Variants in SEC14L5 observed in about 807,000 individuals in gnomAD.
The protein encoded by SEC14L5 is SEC14-like protein 5.
SEC14L5 carries 96 observed loss-of-function variants against 84.6 expected under a neutral mutation model. The ratio of observed to expected loss-of-function variants is 1.13; its 90% confidence interval spans 0.96 to 1.34. The LOEUF is 1.34. Among genes scored for constraint, SEC14L5 ranks in the 40% most tolerant of loss-of-function variants. The pLI, the probability that SEC14L5 is intolerant of heterozygous loss-of-function variation, is 0.00. For synonymous variants in SEC14L5, 546 were observed against 383.4 expected (o/e 1.42, Z -4.95); for missense variants, 1,224 against 942.5 (o/e 1.30, Z -3.91).
rs528385939 is a variant in SEC14L5 at position 4,998,694 on chromosome 16, C to T, written c.970+1650C>T. On this transcript the variant is annotated intron_variant, in intron 8 of 15. Transcript: ENST00000251170. The stretch of plus-strand genomic sequence containing the variant: ...CGGAGCTTGCAGTGAGCCGAGATCC[C>T]GCCACTGCACTCCAGCCTGGGCGAC... Among the ~76,000 whole-genome samples, 774 of 146,622 alleles carry T rather than the reference C, an allele frequency of 5.3e-3. 12 individuals carry two copies. The highest frequency in any genetic ancestry group is 0.018 in the African/African-American group (710 of 39,238).
chr16:5,018,015 T>G lies in SEC14L5; in HGVS notation c.*3045T>G, dbSNP rs546275195. ...TGTTTGGGCACCTGGGCCTTGAATTTAGGCCAGGACTCAAACCCCAGCCTT... is the reference window on the plus strand; with the variant it reads ...TGTTTGGGCACCTGGGCCTTGAATTGAGGCCAGGACTCAAACCCCAGCCTT... On this transcript the variant is annotated 3_prime_UTR_variant, in exon 16 of 16. Transcript: ENST00000251170. 1 of 152,284 alleles carries G rather than the reference T, an allele frequency of 6.6e-6. No individual in the cohort carries two copies. Among genetic ancestry groups the G allele is most frequent in the African/African-American group, 2.4e-5 (1 of 41,466 alleles). The allele number at this position is 152,284 out of a possible 1,614,324, so 9.4% of individuals were successfully genotyped here.
At chr16:4,964,508 C>T (rs565774835) in intron 2 of SEC14L5, among the ~76,000 whole-genome samples, 1 of 152,114 alleles carries the variant, frequency 6.6e-6, no homozygotes, top group East Asian at 1.9e-4. Flanking sequence ...ATCGCTTGAA[C>T]CTGGGAGACA....
At chr16:5,002,132 C>T (rs1050224315) in intron 10 of SEC14L5, among the ~76,000 whole-genome samples, 2 of 152,144 alleles carry the variant, frequency 1.3e-5, no homozygotes, top group African/African-American at 2.4e-5. Flanking sequence ...AATGCAAACA[C>T]GGATCTTGCA....
intron 2 of SEC14L5, among the ~76,000 whole-genome samples, chr16:4,961,708 C>A (rs1279997171): frequency 6.6e-6 from 1 of 152,060 alleles, no homozygotes; most frequent in Non-Finnish European, 1.5e-5. Flanking sequence ...TTTTCAGAAC[C>A]CTAAACGTGA....
chr16:5,000,556 C>T, intron 8 of SEC14L5, 99 bp from the exon 9 acceptor site: 2 of 894,822 alleles, frequency 2.2e-6, no homozygotes, highest in Non-Finnish European at 1.8e-6. Flanking sequence ...TGGGTTGCAG[C>T]CTGAGGAGGT....
chr16:4,983,448 A>T (rs911973859), intron 2 of SEC14L5, among the ~76,000 whole-genome samples: 1 of 147,626 alleles, frequency 6.8e-6, no homozygotes, highest in Non-Finnish European at 1.5e-5. Context: ...TATTCTATCT[A>T]TGTTTATAAA....
intron 13 of SEC14L5, 76 bp downstream of exon 13, chr16:5,007,562 G>T: frequency 8.4e-7 from 1 of 1,192,576 alleles, no homozygotes. Flanking sequence ...CCAAAACACA[G>T]CTTGAGATGA....
chr16:4,987,201 C>CTTTT (rs34934353), intron 2 of SEC14L5, among the ~76,000 whole-genome samples: 6,380 of 143,604 alleles, frequency 0.044, 227 homozygotes, highest in Admixed American at 0.11. Context: ...TTTATTGAAT[C>CTTTT]TTTTTTTTTT....
At chr16:5,013,593 C>G (rs988559439) in intron 15 of SEC14L5, among the ~76,000 whole-genome samples, 3 of 122,114 alleles carry the variant, frequency 2.5e-5, no homozygotes, top group African/African-American at 9.2e-5. Flanking sequence ...GGGTTTCACT[C>G]TGTCACCCAG....
intron 2 of SEC14L5, among the ~76,000 whole-genome samples, chr16:4,965,542 T>C (rs1238295680): frequency 6.6e-6 from 1 of 150,872 alleles, no homozygotes; most frequent in Non-Finnish European, 1.5e-5. Flanking sequence ...GCGCCTGTAG[T>C]CCCAGCTACT....
At chr16:4,987,519 C>A (rs1469934589) in intron 2 of SEC14L5, 38 bp from the exon 3 acceptor site, 5 of 1,485,208 alleles carry the variant, frequency 3.4e-6, no homozygotes, top group Non-Finnish European at 4.5e-6. Flanking sequence ...TCCCTCTGCC[C>A]CCCCCACCAC....
At chr16:4,968,944 C>A (rs1193291900) in intron 2 of SEC14L5, among the ~76,000 whole-genome samples, 1 of 152,244 alleles carries the variant, frequency 6.6e-6, no homozygotes, top group Non-Finnish European at 1.5e-5. Context: ...TAATAAGAAG[C>A]AGCCTGTGAA....
chr16:5,000,648 C>A lies in SEC14L5; in HGVS notation c.971-7C>A, dbSNP rs1165640854. The A allele has an allele frequency of 6.5e-7, 1 of 1,550,364 alleles. No individual in the cohort carries two copies. The highest frequency in any genetic ancestry group is 2.4e-5 in the East Asian group (1 of 40,892). Reference sequence around the variant, plus strand: ...GCTCTTCTTTCTGCTTGGCCCCATCCACAAAGATGGCCGCCCCCTCTACAT... The same window carrying A: ...GCTCTTCTTTCTGCTTGGCCCCATCAACAAAGATGGCCGCCCCCTCTACAT... On this transcript the variant is annotated splice_polypyrimidine_tract_variant and splice_region_variant and intron_variant, in intron 8 of 15. Transcript: ENST00000251170.
chr16:5,011,122 G>T lies in SEC14L5; in HGVS notation c.1828G>T (p.Val610Phe). The T allele has an allele frequency of 6.2e-7, 1 of 1,608,640 alleles. No individual in the cohort carries two copies. The highest frequency in any genetic ancestry group is 1.1e-5 in the South Asian group (1 of 90,102). ...QGSHVTRWPG[V>F]YLLQWQMHSP... ...CTCCCATGTGACCCGGTGGCCCGGC[G>T]TCTACCTGCTCCAGTGGCAAATGCA... The change falls in exon 15 of 16, where the codon GTC becomes TTC. Residue 610 changes from valine (V) to phenylalanine (F), a missense_variant. By Grantham distance (50) the Val-to-Phe change is conservative (BLOSUM62 -1). Transcript: ENST00000251170.
intron 5 of SEC14L5, among the ~76,000 whole-genome samples, chr16:4,991,546 A>C (rs1454052722): frequency 6.6e-6 from 1 of 152,138 alleles, no homozygotes; most frequent in Non-Finnish European, 1.5e-5. Flanking sequence ...AGCCTGGGCA[A>C]CACAGCAAGA....
intron 8 of SEC14L5, among the ~76,000 whole-genome samples, chr16:4,998,437 TTATC>T (rs1955637366): frequency 6.6e-6 from 1 of 151,960 alleles, no homozygotes; most frequent in Non-Finnish European, 1.5e-5. Context: ...CCAATGTCCT[TTATC>T]TAAACGTTCA....
At chr16:4,960,746 T>C (rs1955111390) in intron 2 of SEC14L5, 1 of 152,182 alleles carries the variant, frequency 6.6e-6, no homozygotes, top group African/African-American at 2.4e-5. Context: ...TGTCATGCTG[T>C]GGATTAAATG....
rs1261897599 is a variant in SEC14L5, at chr16:4,967,566, T to A, written c.63+8180T>A. On this transcript the variant is annotated intron_variant, in intron 2 of 15. Transcript: ENST00000251170. The stretch of plus-strand genomic sequence containing the variant: ...GCTCTGACTTTTCTTTCTTTCGTTT[T>A]TTTTTTTTTTTTTTTTTTTTTTTTT... Among the ~76,000 whole-genome samples the A allele has an allele frequency of 3.1e-4, 18 of 57,276 alleles. 1 individual carries two copies. The highest frequency in any genetic ancestry group is 9.5e-4 in the Admixed American group (4 of 4,228). The allele number at this position is 57,276 out of a possible 152,430, so 37.6% of individuals were successfully genotyped here.
intron 4 of SEC14L5, among the ~76,000 whole-genome samples, chr16:4,989,592 C>A (rs1955530461): frequency 6.6e-6 from 1 of 152,128 alleles, no homozygotes; most frequent in South Asian, 2.1e-4. Flanking sequence ...AGTGATCCAC[C>A]CACCTTGGCC....
Sources: gnomAD v4.1 joint callset for allele counts (sites outside exome capture counted in the v4.1 genomes callset) on GRCh38, gnomAD v4.1.1 for gene constraint, MANE v1.5 for transcripts, NCBI Gene and HGNC (gene_info 2026-07-23, HGNC 2026-07-21) for gene names.